DOP1A: variants seen among roughly 807,000 people sequenced by gnomAD.
DOP1A encodes the protein protein DOP1A.
Under a neutral mutation model 267.6 loss-of-function variants are expected in DOP1A, and 90 were observed. The ratio of observed to expected loss-of-function variants is 0.34; its 90% CI spans 0.28 to 0.40. DOP1A has a LOEUF of 0.40. Among genes scored for constraint, DOP1A ranks in the 10% least tolerant of loss-of-function variants. The probability of loss-of-function intolerance (pLI) is 1.00; values close to 1 mark genes in which losing one functional copy is unlikely to be tolerated. For missense variants in DOP1A, 2,437 were observed against 2,900.4 expected (o/e 0.84, Z 3.67); for synonymous variants, 932 against 999.1 (o/e 0.93, Z 1.27).
intron 23 of DOP1A, among the ~76,000 whole-genome samples, chr6:83,141,019 A>C (rs1260505163): frequency 6.6e-6 from 1 of 152,184 alleles, no homozygotes; most frequent in Non-Finnish European, 1.5e-5. Context: ...AATTGAAATT[A>C]TACAAAGATG....
intron 38 of DOP1A, chr6:83,165,749 C>G (rs1006003403): frequency 4.2e-6 from 1 of 238,858 alleles, no homozygotes; most frequent in African/African-American, 2.3e-5. Context: ...CCAATTAGTT[C>G]AATTTTCGAA....
At chr6:83,083,441 A>G (rs1768506955) in intron 1 of DOP1A, among the ~76,000 whole-genome samples, 1 of 151,228 alleles carries the variant, frequency 6.6e-6, no homozygotes, top group Admixed American at 6.6e-5. Flanking sequence ...AAAAAAGTTC[A>G]GAAAGATACT....
intron 4 of DOP1A, among the ~76,000 whole-genome samples, chr6:83,102,038 G>C (rs1340022263): frequency 6.6e-6 from 1 of 152,128 alleles, no homozygotes; most frequent in African/African-American, 2.4e-5. Context: ...CTGACTCCCA[G>C]CTGGACATTT....
At position 83,137,299 on chromosome 6, in the gene DOP1A, G is replaced by C; in HGVS notation, c.3257G>C (p.Ser1086Thr). 5.0e-6 allele frequency: 8 copies of C among 1,613,780 alleles called. No homozygotes were observed. The highest frequency in any genetic ancestry group is 6.8e-6 in the Non-Finnish European group (8 of 1,179,782). The stretch of plus-strand genomic sequence containing the variant: ...AGACTTTCCCTCCTAAGTACCAGCA[G>C]TGAGACAATTCCAATGGTTGTGTCT... ...SDRLSLLSTSSETIPMVVSDF... is the reference protein window; with the variant it reads ...SDRLSLLSTSTETIPMVVSDF... Residue 1086 changes from serine to threonine, a missense_variant, in exon 21 of 39, where the codon AGT (serine) becomes ACT (threonine). Ser to Thr is a moderately conservative substitution (Grantham distance 58). Transcript: ENST00000349129.
intron 7 of DOP1A, among the ~76,000 whole-genome samples, chr6:83,118,255 C>A (rs1165006819): frequency 1.3e-5 from 2 of 151,766 alleles, no homozygotes; most frequent in African/African-American, 2.4e-5. Context: ...ATAAATTTAC[C>A]TCTTTTAGCT....
chr6:83,129,332 A>G lies in DOP1A; in HGVS notation c.2165A>G (p.Asp722Gly). ...GREQGETSKWDRNSQGDVKEK... is the reference protein window; with the variant it reads ...GREQGETSKWGRNSQGDVKEK... ...GAACAAGGAGAGACTTCAAAATGGG[A>G]CAGAAATTCACAAGGAGATGTAAAA... The change falls in exon 16 of 39, where the codon GAC (aspartate) becomes GGC (glycine). Residue 722 changes from aspartate to glycine, a missense_variant. Asp to Gly is a moderately conservative substitution (Grantham distance 94). Transcript: ENST00000349129. 2 of 1,605,666 alleles carry G rather than the reference A, an allele frequency of 1.2e-6. No individual in the cohort carries two copies. The highest frequency in any genetic ancestry group is 1.7e-5 in the Admixed American group (1 of 58,078).
chr6:83,100,611 A>G lies in DOP1A; in HGVS notation c.139-94A>G, dbSNP rs1188492089. On this transcript the variant is annotated intron_variant, in intron 3 of 38. Transcript: ENST00000349129. ...TAGCTAACAAAACACAAAGACCTACAATGATCATTTTTTATAATACTATGC... is the reference window on the plus strand; with the variant it reads ...TAGCTAACAAAACACAAAGACCTACGATGATCATTTTTTATAATACTATGC... 5.6e-6 allele frequency: 5 copies of G among 899,880 alleles called. No homozygotes were observed. The East Asian group carries it at 1.4e-4, about 26-fold the overall frequency. The allele number at this position is 899,880 out of a possible 1,614,324, so 55.7% of individuals were successfully genotyped here. A position where few individuals can be genotyped will look rare whatever the true frequency, so the allele number is the denominator to read the frequency against.
At chr6:83,130,028 A>G (rs117207665) in intron 16 of DOP1A, 95 bp from the exon 17 acceptor site, 34 of 1,480,430 alleles carry the variant, frequency 2.3e-5, no homozygotes, top group Middle Eastern at 1.9e-4. Context: ...CAAGGCCTTA[A>G]AAGTATTTAG....
intron 6 of DOP1A, 47 bp from the exon 7 acceptor site, chr6:83,113,276 T>C (rs1229961159): frequency 1.4e-6 from 2 of 1,474,914 alleles, no homozygotes; most frequent in Admixed American, 3.7e-5. Context: ...GTGGCAAAAA[T>C]GTCTCAGCAT....
In DOP1A at chr6:83,132,161, A is replaced by G. The variant is rs1778155758; in HGVS notation, c.2617-15A>G. The G allele has an allele frequency of 2.5e-6, 4 of 1,599,194 alleles. No homozygotes were observed. Among genetic ancestry groups the G allele is most frequent in the Non-Finnish European group, 3.4e-6 (4 of 1,168,228 alleles). On this transcript the variant is annotated splice_polypyrimidine_tract_variant and intron_variant, in intron 17 of 38. Transcript: ENST00000349129. ...GTATGGTATTGTGACTGTCACTTTT[A>G]CATCTTTTTTATAGCATGTAGCTTT...
chr6:83,080,801 A>G (rs534983196), intron 1 of DOP1A, among the ~76,000 whole-genome samples: 7 of 152,284 alleles, frequency 4.6e-5, no homozygotes, highest in Admixed American at 1.3e-4. Flanking sequence ...TTGAATTAAA[A>G]TCCCTGTTTT....
chr6:83,169,218 A>G (rs890838076), downstream of DOP1A: 10 of 1,613,820 alleles, frequency 6.2e-6, no homozygotes, highest in East Asian at 6.7e-5. Flanking sequence ...GTTTCTCAGG[A>G]ATATGAAAAT....
rs377056784 is a variant in DOP1A at position 83,135,886 on chromosome 6, A to G, written c.3130+8A>G. 1.2e-6 allele frequency: 2 copies of G among 1,612,948 alleles called. No individual in the cohort carries two copies. Among genetic ancestry groups the G allele is most frequent in the African/African-American group, 1.3e-5 (1 of 74,982 alleles). On this transcript the variant is annotated splice_region_variant and intron_variant, in intron 20 of 38. Transcript: ENST00000349129. The stretch of plus-strand genomic sequence containing the variant: ...ATTTTGCCTGCAGCAATGGTGAATA[A>G]CACATAGAAGTAGACAGCTTTATTT...
rs1158614325 is a variant in DOP1A at position 83,137,715 on chromosome 6, C to G, written c.3673C>G (p.His1225Asp). The change falls in exon 21 of 39, where the codon CAT becomes GAT. Residue 1225 changes from histidine (H) to aspartate (D), a missense_variant. His to Asp is a moderately conservative substitution (Grantham distance 81). Around this residue, in one of 9 missense-constraint regions of DOP1A, gnomAD observed 878 missense variants for 992.9 expected, o/e 0.88. Transcript: ENST00000349129. ...QFLSVSAEGG[H>D]ECVANGISRN... ...TCTGTCTGTGTCTGCAGAGGGAGGC[C>G]ATGAGTGTGTGGCAAATGGAATCTC... is the stretch of plus-strand genomic sequence containing the variant. 1.2e-6 allele frequency: 2 copies of G among 1,613,440 alleles called. No individual in the cohort carries two copies. Among genetic ancestry groups the G allele is most frequent in the Non-Finnish European group, 1.7e-6 (2 of 1,179,780 alleles).
chr6:83,167,603 G>C, intron 38 of DOP1A: 1 of 1,170,668 alleles, frequency 8.5e-7, no homozygotes, highest in Non-Finnish European at 1.1e-6. Flanking sequence ...CCTGTTCAAA[G>C]CTATTTCTGT....
intron 28 of DOP1A, 31 bp downstream of exon 28, chr6:83,151,690 T>C: frequency 6.4e-7 from 1 of 1,566,582 alleles, no homozygotes; most frequent in Non-Finnish European, 8.6e-7. Flanking sequence ...TTGCCAAAAC[T>C]GTTTCTCAGT....
At chr6:83,079,328 T>G (rs1767677956) in intron 1 of DOP1A, among the ~76,000 whole-genome samples, 1 of 152,196 alleles carries the variant, frequency 6.6e-6, no homozygotes, top group Admixed American at 6.5e-5. Flanking sequence ...TTTCTTATGA[T>G]TTTACTTTTG....
At position 83,168,235 on chromosome 6, in the gene DOP1A, G is replaced by C; in HGVS notation, c.*68G>C. On this transcript the variant is annotated 3_prime_UTR_variant, in exon 39 of 39. Coordinates refer to ENST00000349129, the MANE Select transcript of DOP1A (RefSeq NM_015018.4). ...ATTTAAAACACACACACTGCTCTGC[G>C]TTGTATAGTTTTTCCTTTTTTGTAT... 1 of 1,500,120 alleles carries C rather than the reference G, an allele frequency of 6.7e-7. No individual in the cohort carries two copies. Among genetic ancestry groups the C allele is most frequent in the Non-Finnish European group, 8.8e-7 (1 of 1,132,838 alleles). The allele number at this position is 1,500,120 out of a possible 1,614,324, so 92.9% of individuals were successfully genotyped here. A position where few individuals can be genotyped will look rare whatever the true frequency, so the allele number is the denominator to read the frequency against.
intron 1 of DOP1A, among the ~76,000 whole-genome samples, chr6:83,069,728 T>C (rs1785291599): frequency 6.6e-6 from 1 of 152,206 alleles, no homozygotes; most frequent in Admixed American, 6.5e-5. Context: ...TTTTTTGACT[T>C]TTTTAAAACC....
Sources: allele counts gnomAD v4.1 joint callset (sites outside exome capture counted in the v4.1 genomes callset), GRCh38; gene constraint gnomAD v4.1.1; regional missense constraint gnomAD v4.1.1; transcripts MANE v1.5; gene names NCBI Gene and HGNC (gene_info 2026-07-23, HGNC 2026-07-21).